TJP1: variants seen among roughly 807,000 people sequenced by gnomAD.
The protein encoded by TJP1 is tight junction protein 1.
TJP1 carries 43 observed loss-of-function variants against 194.2 expected under a neutral mutation model. That is an observed-to-expected ratio of 0.22 (90% CI 0.17 to 0.29). TJP1 has a LOEUF of 0.29. Among genes scored for constraint, TJP1 ranks in the 10% least tolerant of loss-of-function variants. TJP1 has a pLI of 1.00. For synonymous variants in TJP1, 801 were observed against 779.0 expected (o/e 1.03, Z -0.47); for missense variants, 1,971 against 2,185.7 (o/e 0.90, Z 1.96).
At chr15:29,869,695 G>A (rs1485518916) in intron 2 of TJP1, among the ~76,000 whole-genome samples, 4 of 150,962 alleles carry the variant, frequency 2.6e-5, no homozygotes, top group Admixed American at 1.3e-4. Context: ...CGCATCACCC[G>A]CTGCCCTGTT....
At chr15:29,733,659 C>A (rs1340096422) in intron 12 of TJP1, among the ~76,000 whole-genome samples, 1 of 152,164 alleles carries the variant, frequency 6.6e-6, no homozygotes, top group East Asian at 1.9e-4. Context: ...CCCTCGCCAT[C>A]CAACATTGGA....
intron 4 of TJP1, among the ~76,000 whole-genome samples, chr15:29,767,071 G>A (rs924347783): frequency 3.9e-5 from 6 of 152,142 alleles, no homozygotes; most frequent in South Asian, 2.1e-4. Context: ...TAACTCAGCC[G>A]TACTTCACCA....
Position 29,720,426 on chromosome 15 carries a change from A to C in TJP1, c.2695T>G (p.Ser899Ala). Residue 899 changes from serine (S) to alanine (A), a missense_variant, in exon 19 of 28, where the codon TCA becomes GCA. Ser to Ala is a moderately conservative substitution (Grantham distance 99). Around this residue, in one of 5 missense-constraint regions of TJP1, gnomAD observed 1,108 missense variants for 1,128.5 expected, o/e 0.98. Transcript: ENST00000614355. ...HHENQTYPPY[S>A]PQAQPQPIHR... ...ATTGGTTGTGGCTGCGCTTGTGGTG[A>C]GTAAGGAGGATATGTTTGGTTTTCA... 2 of 1,613,782 alleles carry C rather than the reference A, an allele frequency of 1.2e-6. No individual in the cohort carries two copies. The highest frequency in any genetic ancestry group is 1.7e-6 in the Non-Finnish European group (2 of 1,179,884).
chr15:29,933,187 G>C (rs1363303060), intron 2 of TJP1, among the ~76,000 whole-genome samples: 1 of 152,108 alleles, frequency 6.6e-6, no homozygotes, highest in Non-Finnish European at 1.5e-5. Flanking sequence ...CAAAGTGAGG[G>C]TGGCTTATTC....
intron 2 of TJP1, among the ~76,000 whole-genome samples, chr15:29,885,850 C>T (rs2053098242): frequency 6.6e-6 from 1 of 152,196 alleles, no homozygotes. Context: ...GTAAAAACTG[C>T]ATCATGTCGC....
chr15:29,713,525 GA>G (rs1363577372), intron 23 of TJP1, among the ~76,000 whole-genome samples: 4 of 152,226 alleles, frequency 2.6e-5, no homozygotes, highest in Non-Finnish European at 5.9e-5. Flanking sequence ...CACATCATCT[GA>G]AGGAAGAAAA....
intron 1 of TJP1, among the ~76,000 whole-genome samples, chr15:29,819,231 TA>T (rs1184793510): frequency 6.6e-6 from 1 of 152,200 alleles, no homozygotes; most frequent in East Asian, 1.9e-4. Context: ...AAAACATTTT[TA>T]AAAAATGGAT....
At chr15:29,927,887 G>A (rs1367883682) in intron 2 of TJP1, among the ~76,000 whole-genome samples, 1 of 152,116 alleles carries the variant, frequency 6.6e-6, no homozygotes, top group African/African-American at 2.4e-5. Flanking sequence ...GAAGTTGGCA[G>A]GCCCTCATAG....
At chr15:29,715,202 T>C (rs1233438394) in intron 23 of TJP1, among the ~76,000 whole-genome samples, 1 of 152,160 alleles carries the variant, frequency 6.6e-6, no homozygotes, top group African/African-American at 2.4e-5. Flanking sequence ...TGTGGGTTTA[T>C]ATTGTGCTAG....
At chr15:29,920,164 G>A (rs546291752) in intron 2 of TJP1, among the ~76,000 whole-genome samples, 10 of 152,298 alleles carry the variant, frequency 6.6e-5, no homozygotes, top group African/African-American at 2.2e-4. Context: ...GTTACAGTAC[G>A]AACTCTCACT....
intron 2 of TJP1, among the ~76,000 whole-genome samples, chr15:29,921,785 A>G (rs942727424): frequency 6.6e-6 from 1 of 152,196 alleles, no homozygotes; most frequent in African/African-American, 2.4e-5. Flanking sequence ...ACCCATTCTC[A>G]ACAGTAACAA....
chr15:29,726,244 A>G (rs1172899017), intron 18 of TJP1, 135 bp downstream of exon 18: 1 of 749,200 alleles, frequency 1.3e-6, no homozygotes, highest in African/African-American at 1.8e-5. Flanking sequence ...ACAAATTATA[A>G]AAACCTAAAA....
intron 18 of TJP1, among the ~76,000 whole-genome samples, chr15:29,724,896 C>G (rs553791480): frequency 5.3e-5 from 8 of 152,128 alleles, no homozygotes; most frequent in Non-Finnish European, 1.0e-4. Flanking sequence ...AAGACTATCA[C>G]TAAAATACTT....
chr15:29,968,143 G>T, intron 1 of TJP1: 1 of 985,442 alleles, frequency 1.0e-6, no homozygotes. Context: ...ACGCATGCAG[G>T]TGGAATACAG....
intron 2 of TJP1, among the ~76,000 whole-genome samples, chr15:29,853,937 G>A (rs546990068): frequency 4.4e-4 from 67 of 152,240 alleles, no homozygotes; most frequent in African/African-American, 1.4e-3. Context: ...CGACGCACCT[G>A]CAGTTGGAGC....
intron 27 of TJP1, among the ~76,000 whole-genome samples, chr15:29,702,416 A>T (rs2041606315): frequency 6.6e-6 from 1 of 152,198 alleles, no homozygotes; most frequent in East Asian, 1.9e-4. Context: ...ATGTGAAGGC[A>T]GGGACGACTA....
intron 2 of TJP1, among the ~76,000 whole-genome samples, chr15:29,780,308 G>A (rs1392032068): frequency 6.6e-6 from 1 of 151,958 alleles, no homozygotes. Context: ...TGGGGGTGAT[G>A]GGAGACAGTG....
intron 2 of TJP1, among the ~76,000 whole-genome samples, chr15:29,773,764 A>G (rs2046838864): frequency 1.3e-5 from 2 of 152,236 alleles, no homozygotes; most frequent in Admixed American, 1.3e-4. Flanking sequence ...TTTTACATAA[A>G]TATCAATTGC....
intron 2 of TJP1, among the ~76,000 whole-genome samples, chr15:29,949,618 C>A (rs1459070696): frequency 7.2e-6 from 1 of 138,928 alleles, no homozygotes; most frequent in Non-Finnish European, 1.6e-5. Context: ...CCTTCACCAC[C>A]ACCACCTCCA....
Sources: allele counts gnomAD v4.1 joint callset (sites outside exome capture counted in the v4.1 genomes callset), GRCh38; gene constraint gnomAD v4.1.1; regional missense constraint gnomAD v4.1.1; transcripts MANE v1.5; gene names NCBI Gene and HGNC (gene_info 2026-07-23, HGNC 2026-07-21).